REEP5: variants seen among roughly 807,000 people sequenced by gnomAD.
REEP5 encodes receptor expression-enhancing protein 5.
In REEP5, 24 loss-of-function variants were observed where a neutral mutation model predicts 22.4. The observed-to-expected ratio is 1.07, with a 90% CI of 0.78 to 1.51. REEP5 has a LOEUF of 1.51. Among genes scored for constraint, REEP5 ranks in the 40% most tolerant of loss-of-function variants. The pLI, the probability that REEP5 is intolerant of heterozygous loss-of-function variation, is 0.00. For synonymous variants in REEP5, 103 were observed against 88.6 expected (o/e 1.16, Z -0.92); for missense variants, 252 against 233.0 (o/e 1.08, Z -0.53).
intron 2 of REEP5, among the ~76,000 whole-genome samples, chr5:112,917,237 T>C (rs1769252129): frequency 6.6e-6 from 1 of 152,240 alleles, no homozygotes; most frequent in Non-Finnish European, 1.5e-5. Flanking sequence ...ATTTAATCTT[T>C]CTAACATTGG....
intron 3 of REEP5, among the ~76,000 whole-genome samples, chr5:112,899,580 TATA>T (rs2150043354): frequency 6.6e-6 from 1 of 152,376 alleles, no homozygotes; most frequent in East Asian, 1.9e-4. Flanking sequence ...CATTTCTGTT[TATA>T]ATGTTTACAT....
At chr5:112,880,289 G>A (rs1768030018) in intron 4 of REEP5, among the ~76,000 whole-genome samples, 1 of 152,180 alleles carries the variant, frequency 6.6e-6, no homozygotes, top group South Asian at 2.1e-4. Flanking sequence ...TTCTGCAGGA[G>A]ACCAAGCCTT....
intron 2 of REEP5, among the ~76,000 whole-genome samples, chr5:112,914,067 G>A (rs916583102): frequency 6.6e-6 from 1 of 150,992 alleles, no homozygotes; most frequent in Non-Finnish European, 1.5e-5. Flanking sequence ...ACCTGAGCTT[G>A]AGAAAGTCAA....
intron 1 of REEP5, chr5:112,921,541 A>T: frequency 2.0e-6 from 1 of 491,822 alleles, no homozygotes; most frequent in South Asian, 2.2e-5. Flanking sequence ...GGTCCCAGGC[A>T]CCCGCTTCCG....
At chr5:112,913,140 T>C (rs180678350) in intron 2 of REEP5, among the ~76,000 whole-genome samples, 1 of 151,898 alleles carries the variant, frequency 6.6e-6, no homozygotes, top group East Asian at 1.9e-4. Context: ...CCCATCTCTA[T>C]TAAAAACACA....
chr5:112,885,730 G>T (rs1397041623), intron 4 of REEP5: 2 of 298,878 alleles, frequency 6.7e-6, no homozygotes, highest in African/African-American at 2.3e-5. Context: ...AGCCAAGCTT[G>T]AAGCTATTAA....
intron 2 of REEP5, among the ~76,000 whole-genome samples, chr5:112,912,123 C>G (rs1769117296): frequency 6.6e-6 from 1 of 152,100 alleles, no homozygotes; most frequent in African/African-American, 2.4e-5. Context: ...CCAACTCCCC[C>G]CAACCCTATC....
rs1271754575 is a variant in REEP5, at chr5:112,877,165, C to T, written c.*1621G>A. On this transcript the variant is annotated 3_prime_UTR_variant, in exon 5 of 5. Coordinates refer to ENST00000379638, the MANE Select transcript of REEP5 (RefSeq NM_005669.5). Reference sequence around the variant, plus strand: ...TGCCGGTAATCACCACTGTTTTCCTCCCCAAAATAAATGCTCTGATCCATA... The same window carrying T: ...TGCCGGTAATCACCACTGTTTTCCTTCCCAAAATAAATGCTCTGATCCATA... 1 of 152,138 alleles carries T rather than the reference C, an allele frequency of 6.6e-6. No individual in the cohort carries two copies. The highest frequency in any genetic ancestry group is 1.5e-5 in the Non-Finnish European group (1 of 68,016). The allele number at this position is 152,138 out of a possible 1,614,324, so 9.4% of individuals were successfully genotyped here. A position where few individuals can be genotyped will look rare whatever the true frequency, so the allele number is the denominator to read the frequency against.
intron 2 of REEP5, 23 bp downstream of exon 2, chr5:112,921,140 C>T (rs770301320): frequency 5.6e-6 from 9 of 1,608,748 alleles, no homozygotes; most frequent in Non-Finnish European, 7.7e-6. Context: ...GGGAAGGGGA[C>T]GGCTGCAGGG....
chr5:112,920,630 T>C (rs941635282), intron 2 of REEP5, among the ~76,000 whole-genome samples: 3 of 152,186 alleles, frequency 2.0e-5, no homozygotes, highest in African/African-American at 4.8e-5. Flanking sequence ...TTTTTAAAGG[T>C]TTTTGTTTTT....
intron 4 of REEP5, among the ~76,000 whole-genome samples, chr5:112,886,450 T>C (rs1291825386): frequency 6.6e-6 from 1 of 152,230 alleles, no homozygotes; most frequent in African/African-American, 2.4e-5. Flanking sequence ...CTCCCGCTTT[T>C]TGGCATCCCA....
chr5:112,878,642 AACTT>A lies in REEP5; in HGVS notation c.*140_*143del. On this transcript the variant is annotated 3_prime_UTR_variant, in exon 5 of 5. Coordinates refer to ENST00000379638, the MANE Select transcript of REEP5 (RefSeq NM_005669.5). Reference sequence around the variant, plus strand: ...TATAGACAGTAAAAGTAAGCAAAGAAACTTACAACACATTCCAATCTTTAATATC... The same window carrying A: ...TATAGACAGTAAAAGTAAGCAAAGAAACAACACATTCCAATCTTTAATATC... 1 of 1,208,904 alleles carries A rather than the reference AACTT, an allele frequency of 8.3e-7. No homozygotes were observed. The highest frequency in any genetic ancestry group is 2.5e-5 in the East Asian group (1 of 39,978). The allele number at this position is 1,208,904 out of a possible 1,614,324, so 74.9% of individuals were successfully genotyped here. A position where few individuals can be genotyped will look rare whatever the true frequency, so the allele number is the denominator to read the frequency against.
At chr5:112,901,410 T>C (rs1453055443) in intron 3 of REEP5, among the ~76,000 whole-genome samples, 2 of 152,020 alleles carry the variant, frequency 1.3e-5, no homozygotes, top group Non-Finnish European at 2.9e-5. Flanking sequence ...CAGTTGAAAA[T>C]TAGATGGTCA....
rs1329907179 is a variant in REEP5, at chr5:112,878,610, CTATA to C, written c.*172_*175del. 2.2e-6 allele frequency: 2 copies of C among 925,398 alleles called. No homozygotes were observed. Among genetic ancestry groups the C allele is most frequent in the Middle Eastern group, 2.8e-4 (1 of 3,510 alleles). 57.3% of individuals were successfully genotyped at this position (925,398 alleles called of 1,614,324 possible). A position where few individuals can be genotyped will look rare whatever the true frequency, so the allele number is the denominator to read the frequency against. On this transcript the variant is annotated 3_prime_UTR_variant, in exon 5 of 5. Transcript: ENST00000379638. ...CACTGCATTAAGTTTAAAGTGCTCCCTATATATATAGACAGTAAAAGTAAGCAAA... is the reference window on the plus strand; with the variant it reads ...CACTGCATTAAGTTTAAAGTGCTCCCTATATAGACAGTAAAAGTAAGCAAA...
chr5:112,896,278 G>C (rs1349245578), intron 3 of REEP5: 1 of 152,612 alleles, frequency 6.6e-6, no homozygotes, highest in Non-Finnish European at 1.5e-5. Context: ...CTAGCACTCT[G>C]GGAGGCTGAG....
At chr5:112,897,270 G>C (rs1187641161) in intron 3 of REEP5, 1 of 150,332 alleles carries the variant, frequency 6.7e-6, no homozygotes, top group East Asian at 2.0e-4. Context: ...CAATATATTT[G>C]CACATTTTAA....
At chr5:112,880,452 TGA>T (rs1007044677) in intron 4 of REEP5, among the ~76,000 whole-genome samples, 24 of 151,464 alleles carry the variant, frequency 1.6e-4, no homozygotes, top group African/African-American at 4.9e-4. Flanking sequence ...GCCTTAGTGA[TGA>T]GAGCCAAGGA....
chr5:112,894,271 C>T (rs1344744999), intron 3 of REEP5: 2 of 152,184 alleles, frequency 1.3e-5, no homozygotes, highest in African/African-American at 4.8e-5. Context: ...AGGCGCATGC[C>T]ACCGTGCCCA....
At chr5:112,918,567 G>C (rs554307591) in intron 2 of REEP5, among the ~76,000 whole-genome samples, 6 of 152,184 alleles carry the variant, frequency 3.9e-5, no homozygotes, top group African/African-American at 1.4e-4. Flanking sequence ...TAAATTACTG[G>C]CAATAGTTTG....
Sources: gnomAD v4.1 joint callset for allele counts (sites outside exome capture counted in the v4.1 genomes callset) on GRCh38, gnomAD v4.1.1 for gene constraint, MANE v1.5 for transcripts, NCBI Gene and HGNC (gene_info 2026-07-23, HGNC 2026-07-21) for gene names.